The following GRM5 variants were observed in gnomAD, a reference collection of about 807,000 sequenced individuals.
GRM5 encodes glutamate metabotropic receptor 5.
In GRM5, 19 loss-of-function variants were observed where a neutral mutation model predicts 83.1. That is an observed-to-expected ratio of 0.23 (90% CI 0.16 to 0.34). The LOEUF (loss-of-function observed/expected upper bound fraction) is 0.34. Ranked by LOEUF, GRM5 falls within the 10% of genes least tolerant of loss-of-function variation. GRM5 has a pLI of 1.00. For synonymous variants in GRM5, 675 were observed against 633.6 expected, an observed-to-expected ratio of 1.07 and a Z score of -0.98; for missense variants, 1,160 against 1,588.3, an observed-to-expected ratio of 0.73 and a Z score of 4.58.
At chr11:88,693,018 G>A (rs1252045306) in intron 3 of GRM5, among the ~76,000 whole-genome samples, 1 of 152,116 alleles carries the variant, frequency 6.6e-6, no homozygotes, top group Non-Finnish European at 1.5e-5. Context: ...CTGCAGAGAG[G>A]AGAAAATGGA....
At chr11:88,718,105 CT>C (rs1232168258) in intron 3 of GRM5, among the ~76,000 whole-genome samples, 1 of 151,818 alleles carries the variant, frequency 6.6e-6, no homozygotes, top group Non-Finnish European at 1.5e-5. Flanking sequence ...CCCTGGCTAC[CT>C]TTCCAGAATT....
intron 3 of GRM5, among the ~76,000 whole-genome samples, chr11:88,687,206 G>A (rs113770793): frequency 0.021 from 3,176 of 151,720 alleles, 106 homozygotes; most frequent in African/African-American, 0.072. Flanking sequence ...CAGGAGCAGC[G>A]GCTCGCGCCT....
At chr11:88,981,962 T>C (rs1939537811) in intron 2 of GRM5, among the ~76,000 whole-genome samples, 1 of 152,230 alleles carries the variant, frequency 6.6e-6, no homozygotes, top group Admixed American at 6.5e-5. Context: ...TCTTCCCTTT[T>C]GTATTCCTAC....
intron 3 of GRM5, among the ~76,000 whole-genome samples, chr11:88,734,096 T>G (rs976226080): frequency 6.7e-6 from 1 of 149,216 alleles, no homozygotes; most frequent in Non-Finnish European, 1.5e-5. Context: ...TATAATTAAC[T>G]TATATTTATA....
At chr11:88,643,420 A>G (rs1039946951) in intron 4 of GRM5, among the ~76,000 whole-genome samples, 1 of 152,178 alleles carries the variant, frequency 6.6e-6, no homozygotes, top group African/African-American at 2.4e-5. Context: ...CCAATTCAAC[A>G]TGAGGTTTGA....
chr11:88,612,147 G>A (rs1193984075), intron 4 of GRM5, among the ~76,000 whole-genome samples: 1 of 136,396 alleles, frequency 7.3e-6, no homozygotes, highest in Non-Finnish European at 1.5e-5. Context: ...TCCCCAGAGT[G>A]TGATATTCCC....
chr11:88,797,819 G>A (rs1943309768), intron 3 of GRM5, among the ~76,000 whole-genome samples: 1 of 124,892 alleles, frequency 8.0e-6, no homozygotes, highest in African/African-American at 3.9e-5. Flanking sequence ...TTCATGAATT[G>A]CTGTTGTTAA....
chr11:88,794,505 C>A (rs1943238016), intron 3 of GRM5, among the ~76,000 whole-genome samples: 1 of 151,976 alleles, frequency 6.6e-6, no homozygotes, highest in South Asian at 2.1e-4. Context: ...AAAAAATATT[C>A]TGTTAGACAT....
chr11:88,857,015 G>C (rs1420792432), intron 2 of GRM5, among the ~76,000 whole-genome samples: 2 of 152,024 alleles, frequency 1.3e-5, no homozygotes, highest in African/African-American at 2.4e-5. Flanking sequence ...GTTGTGCATA[G>C]TTTTTCATGA....
At chr11:88,734,726 C>A (rs931334684) in intron 3 of GRM5, among the ~76,000 whole-genome samples, 1 of 152,002 alleles carries the variant, frequency 6.6e-6, no homozygotes, top group African/African-American at 2.4e-5. Context: ...ATGCTAGTGA[C>A]AAAATTCTGT....
intron 1 of GRM5, among the ~76,000 whole-genome samples, chr11:89,053,956 G>A (rs898386773): frequency 1.3e-5 from 2 of 152,272 alleles, no homozygotes; most frequent in South Asian, 2.1e-4. Context: ...AAAATGCAGA[G>A]AAAGGAAGAC....
chr11:88,535,402 A>T (rs1591330287), intron 8 of GRM5, among the ~76,000 whole-genome samples: 1 of 152,190 alleles, frequency 6.6e-6, no homozygotes, highest in African/African-American at 2.4e-5. Context: ...TGGATGTGAT[A>T]CCTGACAATG....
intron 4 of GRM5, among the ~76,000 whole-genome samples, chr11:88,642,045 T>C (rs547833632): frequency 6.6e-6 from 1 of 152,290 alleles, no homozygotes; most frequent in Non-Finnish European, 1.5e-5. Context: ...GCTCCAACCC[T>C]GCACCAGGCT....
chr11:88,860,638 C>T (rs566317941), intron 2 of GRM5, among the ~76,000 whole-genome samples: 28 of 152,286 alleles, frequency 1.8e-4, no homozygotes, highest in South Asian at 4.1e-4. Context: ...CCTGGCCTGC[C>T]GCTACCTTCT....
At chr11:89,025,396 G>C (rs181894278) in intron 2 of GRM5, among the ~76,000 whole-genome samples, 7 of 151,846 alleles carry the variant, frequency 4.6e-5, no homozygotes, top group African/African-American at 1.7e-4. Context: ...TTCAGTGAGA[G>C]TGAAAATATG....
At chr11:88,593,952 C>T (rs960658474) in intron 6 of GRM5, among the ~76,000 whole-genome samples, 1 of 151,808 alleles carries the variant, frequency 6.6e-6, no homozygotes, top group Admixed American at 6.6e-5. Flanking sequence ...TGCCAACTTG[C>T]CTGGCTAATT....
In GRM5 at chr11:89,047,181, T is replaced by C; in HGVS notation, c.661+31A>G. The C allele has an allele frequency of 6.7e-7, 1 of 1,500,318 alleles. No homozygotes were observed. The highest frequency in any genetic ancestry group is 1.4e-5 in the African/African-American group (1 of 72,288). The allele number at this position is 1,500,318 out of a possible 1,614,324, so 92.9% of individuals were successfully genotyped here. ...ATTGTAACTGTTGAGTGCATAATAA[T>C]ATATACTCGATGTATGCAAAGGAAA... On this transcript the variant is annotated intron_variant, in intron 2 of 9. Coordinates refer to ENST00000305447, the MANE Select transcript of GRM5 (RefSeq NM_001143831.3). The surrounding 1 kb of genome is among the most constrained non-coding windows in gnomAD (Gnocchi z 5.1).
intron 3 of GRM5, among the ~76,000 whole-genome samples, chr11:88,784,610 A>G (rs547437149): frequency 6.6e-6 from 1 of 152,204 alleles, no homozygotes; most frequent in Admixed American, 6.6e-5. Flanking sequence ...TGTGTTCTTC[A>G]TCGGTGTATT....
At chr11:88,832,388 T>A (rs1318327054) in intron 3 of GRM5, among the ~76,000 whole-genome samples, 1 of 152,022 alleles carries the variant, frequency 6.6e-6, no homozygotes, top group Non-Finnish European at 1.5e-5. Flanking sequence ...ATTAAAAAAA[T>A]CTATAAGTAT....
Sources: gnomAD v4.1 joint callset for allele counts (sites outside exome capture counted in the v4.1 genomes callset) on GRCh38, gnomAD v4.1.1 for gene constraint, Gnocchi (gnomAD v3.1) non-coding constraint, MANE v1.5 for transcripts, NCBI Gene and HGNC (gene_info 2026-07-23, HGNC 2026-07-21) for gene names.